CLSPN: variants seen among roughly 807,000 people sequenced by gnomAD.
CLSPN encodes claspin, also known as claspin homolog.
A neutral mutation model predicts 156.3 loss-of-function variants in CLSPN; 85 were observed. That is an observed-to-expected ratio of 0.54 (90% CI 0.46 to 0.65). The LOEUF (loss-of-function observed/expected upper bound fraction) is 0.65, where lower values mean the gene tolerates loss of function less well. Ranked by LOEUF, CLSPN falls within the 30% of genes least tolerant of loss-of-function variation. The pLI, the probability that CLSPN is intolerant of heterozygous loss-of-function variation, is 0.00. For missense variants in CLSPN, 1,407 were observed against 1,554.9 expected (o/e 0.90, Z 1.60); for synonymous variants, 534 against 542.4 (o/e 0.98, Z 0.22).
At chr1:35,749,206 G>C (rs1641999634) in intron 12 of CLSPN, among the ~76,000 whole-genome samples, 1 of 152,026 alleles carries the variant, frequency 6.6e-6, no homozygotes, top group Non-Finnish European at 1.5e-5. Context: ...GTCTTCCTTT[G>C]ATCTACATAC....
In CLSPN at chr1:35,753,749, T is replaced by G; in HGVS notation, c.1767A>C (p.Lys589Asn). The G allele has an allele frequency of 6.2e-7, 1 of 1,614,072 alleles. No individual in the cohort carries two copies. Among genetic ancestry groups the G allele is most frequent in the Non-Finnish European group, 8.5e-7 (1 of 1,179,994 alleles). ...PKKLDGASHTKPGEKLQVLKA... is the reference protein window; with the variant it reads ...PKKLDGASHTNPGEKLQVLKA... Reference sequence around the variant, plus strand: ...AAAACCTGTGGGCTCAAATACCTGGTTTTGTGTGGCTTGCTCCATCCAACT... The same window carrying G: ...AAAACCTGTGGGCTCAAATACCTGGGTTTGTGTGGCTTGCTCCATCCAACT... Residue 589 changes from lysine to asparagine, a missense_variant, in exon 9 of 25, where the codon AAA becomes AAC. Physicochemically the swap from Lys to Asn is moderately conservative, Grantham distance 94. This residue lies in a region of CLSPN where 1,096 missense variants were observed against 1,193.0 expected (regional missense o/e 0.92). Coordinates refer to ENST00000318121, the MANE Select transcript of CLSPN (RefSeq NM_022111.4).
intron 24 of CLSPN, among the ~76,000 whole-genome samples, chr1:35,722,643 T>C (rs1467863534): frequency 6.6e-6 from 1 of 151,860 alleles, no homozygotes; most frequent in African/African-American, 2.4e-5. Context: ...TTCTTTTTTT[T>C]TTCCCTGAGA....
chr1:35,761,565 C>T (rs932827681), intron 6 of CLSPN, among the ~76,000 whole-genome samples: 1 of 152,142 alleles, frequency 6.6e-6, no homozygotes, highest in African/African-American at 2.4e-5. Flanking sequence ...TGGTACTAAA[C>T]CATGCAGTGT....
chr1:35,759,833 T>C (rs180894072), intron 8 of CLSPN, among the ~76,000 whole-genome samples: 1,983 of 146,328 alleles, frequency 0.014, 35 homozygotes, highest in African/African-American at 0.047. Context: ...AACAACCTTT[T>C]TTTTTTTTTT....
At chr1:35,764,125 A>G (rs1571222558) in intron 3 of CLSPN, 141 bp downstream of exon 3, 2 of 625,148 alleles carry the variant, frequency 3.2e-6, no homozygotes, top group Non-Finnish European at 5.5e-6. Context: ...TAAATCACAT[A>G]CCTATTGAGA....
Position 35,739,488 on chromosome 1 carries a change from C to T in CLSPN, c.3185G>A (p.Gly1062Glu). The T allele has an allele frequency of 6.2e-7, 1 of 1,614,156 alleles. No individual in the cohort carries two copies. The highest frequency in any genetic ancestry group is 8.5e-7 in the Non-Finnish European group (1 of 1,180,020). Residue 1062 changes from glycine to glutamate, a missense_variant, in exon 19 of 25, where the codon GGA (glycine) becomes GAA (glutamate). Around this residue, in one of 3 missense-constraint regions of CLSPN, gnomAD observed 70 missense variants for 121.5 expected, o/e 0.58. Coordinates refer to ENST00000318121, the MANE Select transcript of CLSPN (RefSeq NM_022111.4). The stretch of plus-strand genomic sequence containing the variant: ...CTCATCTTCGCTTCCCACATCACTT[C>T]CTGACACCTCTGCCTCATCCTCCAG... ...KYLEDEAEVSGSDVGSEDEYD... is the reference protein window; with the variant it reads ...KYLEDEAEVSESDVGSEDEYD...
chr1:35,765,547 CGG>C (rs1642642578), intron 1 of CLSPN, among the ~76,000 whole-genome samples: 13 of 150,862 alleles, frequency 8.6e-5, no homozygotes, highest in South Asian at 8.4e-4. Context: ...CTTTTAGTAA[CGG>C]TAAAAAAAAA....
rs369899685 is a variant in CLSPN at position 35,760,875 on chromosome 1, T to G, written c.1046A>C (p.Asp349Ala). Residue 349 changes from aspartate to alanine, a missense_variant, in exon 8 of 25, where the codon GAC (aspartate) becomes GCC (alanine). Transcript: ENST00000318121. ...GTTCATTTCAGTAGTATTTGCAGTG[T>G]CTATGATTTCTTTGTGATGGCTTGA... ...YQSSHHKEIIDTANTTEMNSD... is the reference protein window; with the variant it reads ...YQSSHHKEIIATANTTEMNSD... 17 of 1,613,078 alleles carry G rather than the reference T, an allele frequency of 1.1e-5. No homozygotes were observed. The African/African-American group carries it at 2.0e-4, about 19-fold the overall frequency.
chr1:35,743,347 C>G lies in CLSPN; in HGVS notation c.3043-106G>C. 3 of 1,382,186 alleles carry G rather than the reference C, an allele frequency of 2.2e-6. 1 individual carries two copies. The Admixed American group carries it at 5.7e-5, about 26-fold the overall frequency. 85.6% of individuals were successfully genotyped at this position (1,382,186 alleles called of 1,614,324 possible). ...AATACCTCATTCTAGGAAATTGTTTCTGATAAGATGCCAAACTTAGAATTC... is the reference window on the plus strand; with the variant it reads ...AATACCTCATTCTAGGAAATTGTTTGTGATAAGATGCCAAACTTAGAATTC... On this transcript the variant is annotated intron_variant, in intron 17 of 24. Transcript: ENST00000318121.
intron 10 of CLSPN, among the ~76,000 whole-genome samples, chr1:35,750,220 T>C (rs1642034950): frequency 1.3e-5 from 2 of 152,020 alleles, no homozygotes; most frequent in Admixed American, 6.6e-5. Context: ...TTGCTGGGCA[T>C]GGTGGCTCAT....
chr1:35,748,817 GTTCTTTTTTTTTTT>G, intron 12 of CLSPN: 1 of 346,998 alleles, frequency 2.9e-6, no homozygotes, highest in East Asian at 5.4e-5. Flanking sequence ...ACACTTGAAA[GTTCTTTTTTTTTTT>G]TTTTTTTTTT....
At chr1:35,724,803 G>A (rs1641142962) in intron 24 of CLSPN, among the ~76,000 whole-genome samples, 1 of 152,106 alleles carries the variant, frequency 6.6e-6, no homozygotes, top group African/African-American at 2.4e-5. Flanking sequence ...CCCCAGAATT[G>A]GTTCATCTTG....
In CLSPN at chr1:35,739,148, A is replaced by G. The variant is rs1318832846; in HGVS notation, c.3418T>C (p.Trp1140Arg). The change falls in exon 20 of 25, where the codon TGG becomes CGG. Residue 1140 changes from tryptophan to arginine, a missense_variant. Trp to Arg is a moderately radical substitution (Grantham distance 101). Coordinates refer to ENST00000318121, the MANE Select transcript of CLSPN (RefSeq NM_022111.4). Reference protein sequence around the residue: ...DGPGRMRKFRWKNIDDASQMD... With the variant: ...DGPGRMRKFRRKNIDDASQMD... ...ACAACCAAGATACCTATGTTTTTCC[A>G]TCGAAACTTCCTCATTCGCCCAGGA... 2 of 1,614,044 alleles carry G rather than the reference A, an allele frequency of 1.2e-6. No homozygotes were observed. Among genetic ancestry groups the G allele is most frequent in the Non-Finnish European group, 1.7e-6 (2 of 1,180,038 alleles).
chr1:35,722,393 T>G (rs957328805), intron 24 of CLSPN, among the ~76,000 whole-genome samples: 7 of 151,410 alleles, frequency 4.6e-5, no homozygotes, highest in Admixed American at 3.3e-4. Flanking sequence ...TAGCTGGGAC[T>G]ACAGGTGCCC....
Position 35,733,315 on chromosome 1 carries a change from TTTTTC to T in CLSPN, c.*3176_*3180del. 2 of 210,476 alleles carry T rather than the reference TTTTTC, an allele frequency of 9.5e-6. No homozygotes were observed. Among genetic ancestry groups the T allele is most frequent in the Non-Finnish European group, 1.5e-5 (2 of 137,900 alleles). 13.0% of individuals were successfully genotyped at this position (210,476 alleles called of 1,614,324 possible). A position where few individuals can be genotyped will look rare whatever the true frequency, so the allele number is the denominator to read the frequency against. ...TTTCTCAGGCACTAATTTTCTTTTT[TTTTTC>T]TTTTTTTTTTTTTTTTTAGAGTTGG... On this transcript the variant is annotated 3_prime_UTR_variant, in exon 25 of 25. Transcript: ENST00000318121.
chr1:35,734,409 G>A lies in CLSPN; in HGVS notation c.*2087C>T, dbSNP rs1641393593. ...AACTGTAGAAAACCGGCCGGGTGCG[G>A]TGGCTCATGCCTATAATCCCAGCAC... On this transcript the variant is annotated 3_prime_UTR_variant, in exon 25 of 25. Transcript: ENST00000318121. The A allele has an allele frequency of 1.0e-6, 1 of 983,916 alleles. No individual in the cohort carries two copies. Among genetic ancestry groups the A allele is most frequent in the Non-Finnish European group, 1.2e-6 (1 of 828,708 alleles). 60.9% of individuals were successfully genotyped at this position (983,916 alleles called of 1,614,324 possible).
chr1:35,732,355 AC>A lies in CLSPN; in HGVS notation c.*4140del, dbSNP rs1557495441. ...ACCCTAGGAGATAAAAACCAAAAAC[AC>A]CCCCTAAAAAGTCTCCCAGCCTGAG... On this transcript the variant is annotated 3_prime_UTR_variant, in exon 25 of 25. Transcript: ENST00000318121. 2.0e-6 allele frequency: 2 copies of A among 984,960 alleles called. No homozygotes were observed. The highest frequency in any genetic ancestry group is 1.2e-6 in the Non-Finnish European group (1 of 829,854). 61.0% of individuals were successfully genotyped at this position (984,960 alleles called of 1,614,324 possible).
At chr1:35,768,354 C>A (rs950678858) in intron 1 of CLSPN, among the ~76,000 whole-genome samples, 3 of 141,740 alleles carry the variant, frequency 2.1e-5, no homozygotes, top group Non-Finnish European at 4.7e-5. Flanking sequence ...GGCAACAGAG[C>A]GAGACTCCGT....
At chr1:35,752,337 T>C (rs547058877) in intron 9 of CLSPN, among the ~76,000 whole-genome samples, 11 of 152,266 alleles carry the variant, frequency 7.2e-5, no homozygotes, top group African/African-American at 2.4e-4. Flanking sequence ...CCCAGCACTT[T>C]GCGGGGCCAA....
Sources: gnomAD v4.1 joint callset for allele counts (sites outside exome capture counted in the v4.1 genomes callset) on GRCh38, gnomAD v4.1.1 for gene constraint, gnomAD v4.1.1 regional missense constraint, MANE v1.5 for transcripts, NCBI Gene and HGNC (gene_info 2026-07-23, HGNC 2026-07-21) for gene names.